The following EPHA5 variants were observed in gnomAD, a reference collection of about 807,000 sequenced individuals.
EPHA5 encodes ephrin type-A receptor 5.
EPHA5 carries 60 observed loss-of-function variants against 105.0 expected under a neutral mutation model. The observed-to-expected ratio is 0.57, with a 90% CI of 0.46 to 0.71. The LOEUF (loss-of-function observed/expected upper bound fraction) is 0.71, where lower values mean the gene tolerates loss of function less well. EPHA5 is among the 30% of genes least tolerant of loss of function. EPHA5 has a pLI of 0.00. For synonymous variants in EPHA5, 513 were observed against 449.1 expected (o/e 1.14, Z -1.80); for missense variants, 1,218 against 1,274.7 (o/e 0.96, Z 0.68).
At chr4:65,519,280 A>G (rs182802274) in intron 3 of EPHA5, among the ~76,000 whole-genome samples, 14 of 152,328 alleles carry the variant, frequency 9.2e-5, no homozygotes, top group African/African-American at 2.6e-4. Context: ...CAAAAACCAC[A>G]TGATTACCTC....
chr4:65,638,124 GA>G (rs1747317189), intron 2 of EPHA5, among the ~76,000 whole-genome samples: 4 of 152,046 alleles, frequency 2.6e-5, no homozygotes, highest in Admixed American at 6.5e-5. Flanking sequence ...AGAATATTCT[GA>G]AAAAAGTGAA....
intron 1 of EPHA5, among the ~76,000 whole-genome samples, chr4:65,664,824 A>C (rs541076138): frequency 1.7e-3 from 260 of 152,018 alleles, no homozygotes; most frequent in African/African-American, 5.7e-3. Flanking sequence ...TCTTTCTGAA[A>C]AGAAAAATGC....
chr4:65,669,291 C>T, intron 1 of EPHA5: 1 of 725,282 alleles, frequency 1.4e-6, no homozygotes, highest in Non-Finnish European at 1.7e-6. Flanking sequence ...CCTCCTTTCC[C>T]CCAAGGTTTT....
At chr4:65,418,862 CTTTTTTTTTTTTTTTT>C (rs575608289) in intron 6 of EPHA5, among the ~76,000 whole-genome samples, 729 of 47,084 alleles carry the variant, frequency 0.015, 15 homozygotes, top group African/African-American at 0.075. Flanking sequence ...TACCTAAACT[CTTTTTTTTTTTTTTTT>C]TTTTTTTTTT....
At chr4:65,350,666 C>T (rs1429204713) in intron 13 of EPHA5, among the ~76,000 whole-genome samples, 1 of 152,008 alleles carries the variant, frequency 6.6e-6, no homozygotes, top group African/African-American at 2.4e-5. Flanking sequence ...TCTGTTGTAG[C>T]AATATGCACA....
intron 2 of EPHA5, among the ~76,000 whole-genome samples, chr4:65,619,012 G>A (rs1164631032): frequency 2.0e-5 from 3 of 151,980 alleles, no homozygotes; most frequent in South Asian, 2.1e-4. Context: ...AAAATTAGCC[G>A]GGCATGGTGG....
At chr4:65,540,324 A>G (rs1033765168) in intron 3 of EPHA5, among the ~76,000 whole-genome samples, 2 of 151,516 alleles carry the variant, frequency 1.3e-5, no homozygotes, top group African/African-American at 2.4e-5. Flanking sequence ...TGTATGCTTT[A>G]TATGAACAAT....
chr4:65,632,612 T>G (rs1488088893), intron 2 of EPHA5, among the ~76,000 whole-genome samples: 2 of 151,608 alleles, frequency 1.3e-5, no homozygotes, highest in African/African-American at 4.8e-5. Context: ...TACCTGATTA[T>G]CAATCAGTAA....
At chr4:65,448,015 C>A (rs894898267) in intron 5 of EPHA5, among the ~76,000 whole-genome samples, 1 of 152,002 alleles carries the variant, frequency 6.6e-6, no homozygotes, top group African/African-American at 2.4e-5. Flanking sequence ...GCATATTCAA[C>A]AATCATGATG....
rs576590114 is a variant in EPHA5, at chr4:65,331,227, A to G, written c.2945+746T>C. 2.9e-5 allele frequency: 30 copies of G among 1,029,114 alleles called. No homozygotes were observed. The South Asian group carries it at 1.2e-3, about 41-fold the overall frequency. 63.7% of individuals were successfully genotyped at this position (1,029,114 alleles called of 1,614,324 possible). A position where few individuals can be genotyped will look rare whatever the true frequency, so the allele number is the denominator to read the frequency against. On this transcript the variant is annotated intron_variant, in intron 16 of 16. Transcript: ENST00000613740. ...AATGTAATCTAGATGGAACCACCATAAAGACAGTTAATTTTCACAAATAAC... is the reference window on the plus strand; with the variant it reads ...AATGTAATCTAGATGGAACCACCATGAAGACAGTTAATTTTCACAAATAAC...
intron 9 of EPHA5, 39 bp downstream of exon 9, chr4:65,367,318 C>G (rs776312763): frequency 6.7e-7 from 1 of 1,492,548 alleles, no homozygotes; most frequent in African/African-American, 1.4e-5. Context: ...TAAAGTGTCC[C>G]CTATTTTATT....
At position 65,602,261 on chromosome 4, in the gene EPHA5, T is replaced by G. The variant is rs1477912841; in HGVS notation, c.290A>C (p.His97Pro). ...GEVDENYAPI[H>P]TYQVCKVMEQ... ...CATCACTTTGCATACTTGGTATGTG[T>G]GGATAGGGGCATAATTTTCATCCAC... Residue 97 changes from histidine to proline, a missense_variant, in exon 3 of 17, where the codon CAC becomes CCC. By Grantham distance (77) the His-to-Pro change is moderately conservative. This residue lies in a region of EPHA5 where 233 missense variants were observed against 227.5 expected (regional missense o/e 1.02). Transcript: ENST00000613740. 3 of 1,608,700 alleles carry G rather than the reference T, an allele frequency of 1.9e-6. No individual in the cohort carries two copies. Among genetic ancestry groups the G allele is most frequent in the Non-Finnish European group, 2.5e-6 (3 of 1,178,828 alleles).
At chr4:65,619,142 C>T (rs996137179) in intron 2 of EPHA5, among the ~76,000 whole-genome samples, 23 of 151,446 alleles carry the variant, frequency 1.5e-4, no homozygotes, top group African/African-American at 5.3e-4. Flanking sequence ...AGTGAGACTC[C>T]GTCCAAAAAA....
chr4:65,568,024 A>G (rs1050744321), intron 3 of EPHA5, among the ~76,000 whole-genome samples: 1 of 151,514 alleles, frequency 6.6e-6, no homozygotes, highest in African/African-American at 2.4e-5. Context: ...AATAATAGAA[A>G]TTGAAAAAGT....
chr4:65,644,205 TAC>T (rs5858977), intron 1 of EPHA5, among the ~76,000 whole-genome samples: 1 of 151,040 alleles, frequency 6.6e-6, no homozygotes, highest in South Asian at 2.1e-4. Flanking sequence ...TATGAGTATC[TAC>T]ACACACACAC....
At chr4:65,575,349 A>G (rs4241667) in intron 3 of EPHA5, among the ~76,000 whole-genome samples, 37,895 of 151,996 alleles carry the variant, frequency 0.25, 5,256 homozygotes, top group East Asian at 0.46. Flanking sequence ...CCACTCCTTA[A>G]CAACTTTGTG....
intron 5 of EPHA5, among the ~76,000 whole-genome samples, chr4:65,472,982 C>T (rs1047151001): frequency 6.6e-6 from 1 of 152,146 alleles, no homozygotes; most frequent in African/African-American, 2.4e-5. Flanking sequence ...CTCTGCTTCC[C>T]TTTTAAACAT....
At chr4:65,356,465 C>CACTG (rs1367527561) in intron 11 of EPHA5, among the ~76,000 whole-genome samples, 1 of 151,418 alleles carries the variant, frequency 6.6e-6, no homozygotes, top group East Asian at 1.9e-4. Flanking sequence ...AACTTATTAA[C>CACTG]ACTGAATAGT....
intron 11 of EPHA5, among the ~76,000 whole-genome samples, chr4:65,356,682 G>T (rs1317934154): frequency 6.6e-6 from 1 of 151,498 alleles, no homozygotes; most frequent in African/African-American, 2.4e-5. Context: ...CAATTAAAAT[G>T]AATGTTTGCA....
Sources: gnomAD v4.1 joint callset for allele counts (sites outside exome capture counted in the v4.1 genomes callset) on GRCh38, gnomAD v4.1.1 for gene constraint, gnomAD v4.1.1 regional missense constraint, MANE v1.5 for transcripts, NCBI Gene and HGNC (gene_info 2026-07-23, HGNC 2026-07-21) for gene names.